The following NYNRIN variants were observed in gnomAD, a reference collection of about 807,000 sequenced individuals.
The protein encoded by NYNRIN is protein NYNRIN.
Under a neutral mutation model 146.6 loss-of-function variants are expected in NYNRIN, and 86 were observed. The ratio of observed to expected loss-of-function variants is 0.59; its 90% CI spans 0.49 to 0.70. The LOEUF is 0.70. NYNRIN is among the 30% of genes least tolerant of loss of function. The probability of loss-of-function intolerance (pLI) is 0.00; values close to 1 mark genes in which losing one functional copy is unlikely to be tolerated. For synonymous variants in NYNRIN, 1,027 were observed against 1,001.3 expected (o/e 1.03, Z -0.48); for missense variants, 2,191 against 2,377.7 (o/e 0.92, Z 1.63).
chr14:24,414,677 T>C lies in NYNRIN; in HGVS notation c.2928T>C (p.Asp976=). ...CAGCCAGTGTCACTGAGCTGAGTGA[T>C]GACGCTGACTCTGGGCCCCTGGAGA... is the stretch of plus-strand genomic sequence containing the variant. ...PSSASVTELS[D]DADSGPLESL... Residue 976 remains aspartate (D), a synonymous_variant, in exon 9 of 9, where the codon GAT becomes GAC. Coordinates refer to ENST00000382554, the MANE Select transcript of NYNRIN (RefSeq NM_025081.3). The C allele has an allele frequency of 6.2e-7, 1 of 1,613,728 alleles. No individual in the cohort carries two copies. Among genetic ancestry groups the C allele is most frequent in the Non-Finnish European group, 8.5e-7 (1 of 1,179,762 alleles).
intron 2 of NYNRIN, among the ~76,000 whole-genome samples, chr14:24,401,775 A>G (rs780536840): frequency 1.3e-4 from 20 of 152,350 alleles, no homozygotes; most frequent in South Asian, 1.2e-3. Context: ...AACTTTGAGC[A>G]AGTCCTTTTC....
intron 2 of NYNRIN, among the ~76,000 whole-genome samples, chr14:24,403,934 C>A (rs1283094538): frequency 6.6e-6 from 1 of 152,090 alleles, no homozygotes; most frequent in African/African-American, 2.4e-5. Context: ...TTTGGAGGAG[C>A]CTGAAGCTGT....
In NYNRIN at chr14:24,409,468, C is replaced by T. The variant is rs372621872; in HGVS notation, c.1674C>T (p.Pro558=). 3.1e-6 allele frequency: 5 copies of T among 1,613,850 alleles called. No individual in the cohort carries two copies. The highest frequency in any genetic ancestry group is 1.7e-5 in the Admixed American group (1 of 60,008). The change falls in exon 4 of 9, where the codon CCC becomes CCT. Residue 558 remains proline (P), a synonymous_variant. Transcript: ENST00000382554. ...CAGCAGTGCCCAAAGCTGAAAATCC[C>T]TCCAGAACTCAAGTGCCATCTGCAG... The part of the protein sequence containing the change: ...MAAAVPKAEN[P]SRTQVPSAAP...
chr14:24,405,029 A>AATGTGT (rs2042868528), intron 2 of NYNRIN, among the ~76,000 whole-genome samples: 1 of 33,252 alleles, frequency 3.0e-5, no homozygotes, highest in African/African-American at 2.1e-4. Flanking sequence ...TGTGTGTGTG[A>AATGTGT]GAGAATGTGT....
rs1397632772 is a variant in NYNRIN, at chr14:24,410,104, G to A, written c.2310G>A (p.Arg770=). 2 of 1,613,870 alleles carry A rather than the reference G, an allele frequency of 1.2e-6. No homozygotes were observed. Among genetic ancestry groups the A allele is most frequent in the African/African-American group, 2.7e-5 (2 of 74,950 alleles). The part of the protein sequence containing the change: ...QANSTVTSFQ[R]YHEALNTPFE... ...ACAGCACAGTGACCAGCTTCCAGAG[G>A]TACCACGAGGCCCTGAATACACCCT... The change falls in exon 4 of 9, where the codon AGG becomes AGA. Residue 770 remains arginine, a synonymous_variant. Transcript: ENST00000382554.
At chr14:24,407,670 A>T (rs2042882971) in intron 2 of NYNRIN, among the ~76,000 whole-genome samples, 199 bp from the exon 3 acceptor site, 1 of 152,104 alleles carries the variant, frequency 6.6e-6, no homozygotes, top group Admixed American at 6.5e-5. Flanking sequence ...TGTTCCCTGG[A>T]AAGAAATGGG....
At chr14:24,412,284 C>T (rs1197537272) in intron 6 of NYNRIN, among the ~76,000 whole-genome samples, 1 of 152,126 alleles carries the variant, frequency 6.6e-6, no homozygotes, top group Non-Finnish European at 1.5e-5. Flanking sequence ...TTCCGCAGAC[C>T]GTCCCTCTGC....
At position 24,416,588 on chromosome 14, in the gene NYNRIN, C is replaced by T. The variant is rs1371455254; in HGVS notation, c.4839C>T (p.Pro1613=). Residue 1613 remains proline, a synonymous_variant, in exon 9 of 9, where the codon CCC becomes CCT. Coordinates refer to ENST00000382554, the MANE Select transcript of NYNRIN (RefSeq NM_025081.3). ...ESPWPLRSTA[P]WSNLQIEVVG... ...CATGGCCCCTCAGGTCGACCGCCCC[C>T]TGGTCGAACCTGCAGATCGAGGTGG... is the stretch of plus-strand genomic sequence containing the variant. 1.2e-6 allele frequency: 2 copies of T among 1,613,974 alleles called. No individual in the cohort carries two copies. The highest frequency in any genetic ancestry group is 1.7e-6 in the Non-Finnish European group (2 of 1,179,872).
At chr14:24,412,965 T>C (rs762185535) in intron 6 of NYNRIN, 32 bp from the exon 7 acceptor site, 2 of 1,440,822 alleles carry the variant, frequency 1.4e-6, no homozygotes, top group East Asian at 4.8e-5. Flanking sequence ...GGCTAGTTAC[T>C]GGGTCATTAG....
rs373629407 is a variant in NYNRIN, at chr14:24,411,030, G to T, written c.2415-46G>T. On this transcript the variant is annotated intron_variant, in intron 4 of 8. Transcript: ENST00000382554. This position sits in a 1 kb window ranked among gnomAD's most constrained non-coding sequence, Gnocchi z 4.3. ...TTGCTGCCCCAGGGCTGGCTCTGAG[G>T]GAGGAGTGGTGAGGCAGGGTCTTTC... is the stretch of plus-strand genomic sequence containing the variant. 4.3e-6 allele frequency: 7 copies of T among 1,609,260 alleles called. No homozygotes were observed. Among genetic ancestry groups the T allele is most frequent in the Non-Finnish European group, 5.9e-6 (7 of 1,178,758 alleles).
Position 24,417,656 on chromosome 14 carries a change from C to G in NYNRIN, c.*210C>G, listed in dbSNP as rs985791541. On this transcript the variant is annotated 3_prime_UTR_variant, in exon 9 of 9. Coordinates refer to ENST00000382554, the MANE Select transcript of NYNRIN (RefSeq NM_025081.3). Reference sequence around the variant, plus strand: ...CAGTTTGGGGTACTTGGAGAATTTGCCAAAGGCTGTCAGATATGGGTCCCT... The same window carrying G: ...CAGTTTGGGGTACTTGGAGAATTTGGCAAAGGCTGTCAGATATGGGTCCCT... 4 of 651,806 alleles carry G rather than the reference C, an allele frequency of 6.1e-6. No individual in the cohort carries two copies. The highest frequency in any genetic ancestry group is 7.3e-5 in the Admixed American group (2 of 27,310). The allele number at this position is 651,806 out of a possible 1,614,324, so 40.4% of individuals were successfully genotyped here. A position where few individuals can be genotyped will look rare whatever the true frequency, so the allele number is the denominator to read the frequency against.
At chr14:24,407,807 G>A in intron 2 of NYNRIN, 62 bp from the exon 3 acceptor site, 1 of 1,486,162 alleles carries the variant, frequency 6.7e-7, no homozygotes, top group South Asian at 1.3e-5. Context: ...GGGTGGCGAG[G>A]GCAGATCCAG....
chr14:24,402,907 C>G (rs918006080), intron 2 of NYNRIN, among the ~76,000 whole-genome samples: 4 of 152,218 alleles, frequency 2.6e-5, no homozygotes, highest in African/African-American at 9.7e-5. Context: ...CCAATTCCTC[C>G]TTCAGTAACC....
In NYNRIN at chr14:24,400,617, G is replaced by T. The variant is rs551931506; in HGVS notation, c.198+1173G>T. On this transcript the variant is annotated intron_variant, in intron 2 of 8. Coordinates refer to ENST00000382554, the MANE Select transcript of NYNRIN (RefSeq NM_025081.3). ...ACAGAGGTGCTAGGAGGGGGAAGGG[G>T]TGTCTTCCCAAAGAACATATGTACT... Among the ~76,000 whole-genome samples, 8 of 152,248 alleles carry T rather than the reference G, an allele frequency of 5.3e-5. No homozygotes were observed. In the East Asian group the frequency reaches 1.4e-3, roughly 26 times the overall value.
chr14:24,403,125 A>T (rs944558901), intron 2 of NYNRIN, among the ~76,000 whole-genome samples: 1 of 152,236 alleles, frequency 6.6e-6, no homozygotes, highest in Middle Eastern at 3.2e-3. Flanking sequence ...TACGTTTAGC[A>T]TTGCCTCATT....
chr14:24,418,250 T>A lies in NYNRIN; in HGVS notation c.*804T>A. 1 of 456,472 alleles carries A rather than the reference T, an allele frequency of 2.2e-6. No individual in the cohort carries two copies. Among genetic ancestry groups the A allele is most frequent in the Non-Finnish European group, 4.4e-6 (1 of 226,838 alleles). The allele number at this position is 456,472 out of a possible 1,614,324, so 28.3% of individuals were successfully genotyped here. On this transcript the variant is annotated 3_prime_UTR_variant, in exon 9 of 9. Transcript: ENST00000382554. Reference sequence around the variant, plus strand: ...AAGGATCTTGATGCCAAGTGTGGCATCTCTATCTGAAGAGCTGCTTCTGTT... The same window carrying A: ...AAGGATCTTGATGCCAAGTGTGGCAACTCTATCTGAAGAGCTGCTTCTGTT...
In NYNRIN at chr14:24,410,011, T is replaced by G. The variant is rs1448322458; in HGVS notation, c.2217T>G (p.Phe739Leu). The change falls in exon 4 of 9, where the codon TTT (phenylalanine) becomes TTG (leucine). Residue 739 changes from phenylalanine (F) to leucine (L), a missense_variant. Physicochemically the swap from Phe to Leu is conservative, Grantham distance 22. This residue lies in a region of NYNRIN where 895 missense variants were observed against 941.2 expected (regional missense o/e 0.95). Transcript: ENST00000382554. ...GTLALSSKHQFQMEGLLGAWE... is the reference protein window; with the variant it reads ...GTLALSSKHQLQMEGLLGAWE... ...TGGCCCTCAGCAGTAAGCACCAGTT[T>G]CAGATGGAGGGGCTCCTGGGGGCTT... 4 of 1,613,680 alleles carry G rather than the reference T, an allele frequency of 2.5e-6. No homozygotes were observed. The African/African-American group carries it at 5.3e-5, about 22-fold the overall frequency.
In NYNRIN at chr14:24,416,655, C is replaced by T. The variant is rs189237524; in HGVS notation, c.4906C>T (p.Leu1636Phe). The change falls in exon 9 of 9, where the codon CTT becomes TTT. Residue 1636 changes from leucine (L) to phenylalanine (F), a missense_variant. Physicochemically the swap from Leu to Phe is conservative, Grantham distance 22. Coordinates refer to ENST00000382554, the MANE Select transcript of NYNRIN (RefSeq NM_025081.3). ...AAGTGAGGAGGGCCATAAGCATGTACTTATTGTGGCTGACCCAAACACCAG... is the reference window on the plus strand; with the variant it reads ...AAGTGAGGAGGGCCATAAGCATGTATTTATTGTGGCTGACCCAAACACCAG... Reference protein sequence around the residue: ...TISEEGHKHVLIVADPNTRWV... With the variant: ...TISEEGHKHVFIVADPNTRWV... 6.2e-7 allele frequency: 1 copy of T among 1,613,944 alleles called. No homozygotes were observed. Among genetic ancestry groups the T allele is most frequent in the Non-Finnish European group, 8.5e-7 (1 of 1,179,878 alleles).
Position 24,408,474 on chromosome 14 carries a change from G to T in NYNRIN, c.804G>T (p.Gly268=), listed in dbSNP as rs1161293403. The T allele has an allele frequency of 6.2e-6, 10 of 1,609,114 alleles. No homozygotes were observed. The highest frequency in any genetic ancestry group is 8.5e-6 in the Non-Finnish European group (10 of 1,177,398). The change falls in exon 3 of 9, where the codon GGG becomes GGT. Residue 268 remains glycine (G), a synonymous_variant. Coordinates refer to ENST00000382554, the MANE Select transcript of NYNRIN (RefSeq NM_025081.3). ...GATTATCTAGCCTGGGAGCCACTGG[G>T]TCCCTGATCACAGCCCAGAGCACAC... ...SKRLSSLGAT[G]SLITAQSTPQ...
Sources: gnomAD v4.1 joint callset for allele counts (sites outside exome capture counted in the v4.1 genomes callset) on GRCh38, gnomAD v4.1.1 for gene constraint, gnomAD v4.1.1 regional missense constraint, Gnocchi (gnomAD v3.1) non-coding constraint, MANE v1.5 for transcripts, NCBI Gene and HGNC (gene_info 2026-07-23, HGNC 2026-07-21) for gene names.